Variants in NMS observed in about 807,000 individuals in gnomAD.
The protein encoded by NMS is neuromedin S, also known as neuromedin-S.
A neutral mutation model predicts 32.2 loss-of-function variants in NMS; 30 were observed. The observed-to-expected ratio is 0.93, with a 90% CI of 0.70 to 1.26. NMS has a LOEUF of 1.26. NMS is among the 50% of genes most tolerant of loss of function. The pLI is 0.00. For missense variants in NMS, 190 were observed against 186.3 expected (o/e 1.02, Z -0.12); for synonymous variants, 76 against 58.5 (o/e 1.30, Z -1.37).
intron 5 of NMS, 81 bp downstream of exon 5, chr2:100,477,495 C>A: frequency 1.9e-6 from 2 of 1,071,910 alleles, no homozygotes; most frequent in Non-Finnish European, 2.8e-6. Flanking sequence ...TATGTGCAGA[C>A]AAGTAGAAAA....
intron 1 of NMS, among the ~76,000 whole-genome samples, chr2:100,472,160 T>C (rs1387280066): frequency 6.6e-6 from 1 of 152,254 alleles, no homozygotes; most frequent in Non-Finnish European, 1.5e-5. Flanking sequence ...CCAGGTTTTA[T>C]ATTTATCCAT....
At chr2:100,476,184 T>C (rs968470403) in intron 3 of NMS, among the ~76,000 whole-genome samples, 2 of 152,118 alleles carry the variant, frequency 1.3e-5, no homozygotes, top group Non-Finnish European at 2.9e-5. Flanking sequence ...GCCCAATAAG[T>C]GTCCATAAAC....
chr2:100,482,319 G>C lies in NMS; in HGVS notation c.449+8G>C. On this transcript the variant is annotated splice_region_variant and intron_variant, in intron 9 of 9. Coordinates refer to ENST00000376865, the MANE Select transcript of NMS (RefSeq NM_001011717.1). ...CATTGAAGATGAGGCCCAGTAGGTA[G>C]TCCAAGATCAGCTTCATCACCCTTT... is the stretch of plus-strand genomic sequence containing the variant. The C allele has an allele frequency of 6.2e-7, 1 of 1,613,618 alleles. No individual in the cohort carries two copies. Among genetic ancestry groups the C allele is most frequent in the Admixed American group, 1.7e-5 (1 of 60,014 alleles).
intron 3 of NMS, among the ~76,000 whole-genome samples, chr2:100,474,831 G>A (rs1677076352): frequency 6.6e-6 from 1 of 152,272 alleles, no homozygotes; most frequent in Admixed American, 6.5e-5. Flanking sequence ...ATGTTTGAAG[G>A]CAATTGTTAG....
rs1677251600 is a variant in NMS, at chr2:100,483,172, A to C, written c.450-80A>C. On this transcript the variant is annotated intron_variant, in intron 9 of 9. Coordinates refer to ENST00000376865, the MANE Select transcript of NMS (RefSeq NM_001011717.1). Reference sequence around the variant, plus strand: ...GAGGTCTAATTGTAAAATATGTTACATAATAACCTGCCCATGGGCTTTGTC... The same window carrying C: ...GAGGTCTAATTGTAAAATATGTTACCTAATAACCTGCCCATGGGCTTTGTC... The C allele has an allele frequency of 5.5e-6, 7 of 1,284,188 alleles. No homozygotes were observed. In the South Asian group the frequency reaches 8.9e-5, roughly 16 times the overall value. The allele number at this position is 1,284,188 out of a possible 1,614,324, so 79.5% of individuals were successfully genotyped here. A position where few individuals can be genotyped will look rare whatever the true frequency, so the allele number is the denominator to read the frequency against.
chr2:100,472,948 T>C lies in NMS; in HGVS notation c.132+98T>C, dbSNP rs1677029113. The C allele has an allele frequency of 5.0e-6, 4 of 796,740 alleles. No individual in the cohort carries two copies. In the South Asian group the frequency reaches 5.8e-5, roughly 11 times the overall value. The allele number at this position is 796,740 out of a possible 1,614,324, so 49.4% of individuals were successfully genotyped here. On this transcript the variant is annotated intron_variant, in intron 2 of 9. Coordinates refer to ENST00000376865, the MANE Select transcript of NMS (RefSeq NM_001011717.1). Reference sequence around the variant, plus strand: ...CTTAAAACTATTTTGAGATCAGATTTTTGGCTGCAGCAGAAACTCACTGTT... The same window carrying C: ...CTTAAAACTATTTTGAGATCAGATTCTTGGCTGCAGCAGAAACTCACTGTT...
At chr2:100,471,756 T>G (rs1377809555) in intron 1 of NMS, among the ~76,000 whole-genome samples, 4 of 152,232 alleles carry the variant, frequency 2.6e-5, no homozygotes, top group Non-Finnish European at 4.4e-5. Flanking sequence ...CAAAAACTTC[T>G]TTAGGCTAAG....
At chr2:100,470,612 T>A (rs778624607) in intron 1 of NMS, 48 bp downstream of exon 1, 1 of 1,447,128 alleles carries the variant, frequency 6.9e-7, no homozygotes, top group South Asian at 1.1e-5. Context: ...TCTGAGGATG[T>A]CTGAGACAGA....
Position 100,470,504 on chromosome 2 carries a change from C to A in NMS, c.16C>A (p.Pro6Thr), listed in dbSNP as rs13411940. MKHLR[P>T]QFPLILAIYC... Reference sequence around the variant, plus strand: ...GACTCTCACAATGAAACATCTTCGTCCCCAGTTCCCTCTCATCTTGGCCAT... The same window carrying A: ...GACTCTCACAATGAAACATCTTCGTACCCAGTTCCCTCTCATCTTGGCCAT... Residue 6 changes from proline to threonine, a missense_variant, in exon 1 of 10, where the codon CCC becomes ACC. Physicochemically the swap from Pro to Thr is conservative, Grantham distance 38. Coordinates refer to ENST00000376865, the MANE Select transcript of NMS (RefSeq NM_001011717.1). 1.9e-6 allele frequency: 3 copies of A among 1,613,172 alleles called. No homozygotes were observed. Among genetic ancestry groups the A allele is most frequent in the Non-Finnish European group, 2.5e-6 (3 of 1,179,456 alleles).
chr2:100,482,380 G>A, intron 9 of NMS, 69 bp downstream of exon 9: 9 of 1,424,766 alleles, frequency 6.3e-6, no homozygotes, highest in Non-Finnish European at 7.9e-6. Flanking sequence ...TCTGACTGGA[G>A]AGAGTGAGAG....
chr2:100,471,598 A>G (rs1677007360), intron 1 of NMS, among the ~76,000 whole-genome samples: 1 of 152,052 alleles, frequency 6.6e-6, no homozygotes, highest in African/African-American at 2.4e-5. Context: ...GTATCTTTCT[A>G]TATGTTTATA....
chr2:100,477,623 G>A (rs917508507), intron 5 of NMS, among the ~76,000 whole-genome samples: 4 of 152,098 alleles, frequency 2.6e-5, no homozygotes, highest in African/African-American at 7.2e-5. Context: ...GATCTGAGAA[G>A]TTAGAGAATA....
In NMS at chr2:100,477,258, A is replaced by G; in HGVS notation, c.198A>G (p.Ile66Met). The change falls in exon 4 of 10, where the codon ATA becomes ATG. Residue 66 changes from isoleucine (I) to methionine (M), a missense_variant. Physicochemically the swap from Ile to Met is conservative, Grantham distance 10. Transcript: ENST00000376865. ...TCTCTTTCCAGGATAATCAAGACAT[A>G]TACAAAAGGGTGAGTACCACCTAGC... ...LSRQPKDNQD[I>M]YKRFLFHYSR... 1 of 1,613,686 alleles carries G rather than the reference A, an allele frequency of 6.2e-7. No homozygotes were observed. The highest frequency in any genetic ancestry group is 8.5e-7 in the Non-Finnish European group (1 of 1,179,588).
chr2:100,471,530 T>G (rs1677005823), intron 1 of NMS, among the ~76,000 whole-genome samples: 1 of 152,206 alleles, frequency 6.6e-6, no homozygotes, highest in Non-Finnish European at 1.5e-5. Flanking sequence ...TTCTGCCTCT[T>G]TGCTCCAGTA....
At position 100,472,824 on chromosome 2, in the gene NMS, G is replaced by T; in HGVS notation, c.106G>T (p.Asp36Tyr). Residue 36 changes from aspartate to tyrosine, a missense_variant, in exon 2 of 10, where the codon GAT becomes TAT. By Grantham distance (160) the Asp-to-Tyr change is radical. Coordinates refer to ENST00000376865, the MANE Select transcript of NMS (RefSeq NM_001011717.1). ...GFPQPLADPS[D>Y]GLDIVQLEQL... ...TCCTCAACCTTTAGCTGATCCTTCA[G>T]ATGGCTTGGATATTGTGCAGCTTGA... 1 of 1,611,132 alleles carries T rather than the reference G, an allele frequency of 6.2e-7. No homozygotes were observed. Among genetic ancestry groups the T allele is most frequent in the Non-Finnish European group, 8.5e-7 (1 of 1,177,680 alleles).
chr2:100,481,541 A>G (rs1317696847), intron 8 of NMS, among the ~76,000 whole-genome samples: 2 of 152,152 alleles, frequency 1.3e-5, no homozygotes, highest in Non-Finnish European at 2.9e-5. Context: ...GGTGACAGAG[A>G]TTCTTGCAAA....
In NMS at chr2:100,481,137, G is replaced by A. The variant is rs532961780; in HGVS notation, c.384G>A (p.Ala128=). 2.2e-5 allele frequency: 35 copies of A among 1,614,116 alleles called. No individual in the cohort carries two copies. In the Admixed American group the frequency reaches 2.5e-4, roughly 12 times the overall value. ...TCTATATGTTGCAGGATCACACTGC[G>A]ACCTGGGGACGACCCTTTTTCCTTT... is the stretch of plus-strand genomic sequence containing the variant. ...AVDFTKKDHT[A]TWGRPFFLFR... is the part of the protein sequence containing the mutation. The change falls in exon 8 of 10, where the codon GCG becomes GCA. Residue 128 remains alanine, a synonymous_variant. Transcript: ENST00000376865.
At chr2:100,481,388 T>C (rs887412342) in intron 8 of NMS, among the ~76,000 whole-genome samples, 11 of 151,860 alleles carry the variant, frequency 7.2e-5, no homozygotes, top group Non-Finnish European at 1.3e-4. Context: ...AGCACCAGAG[T>C]AGGCGTAAGG....
chr2:100,472,798 T>C lies in NMS; in HGVS notation c.80T>C (p.Phe27Ser), dbSNP rs1015476459. The C allele has an allele frequency of 3.7e-6, 6 of 1,602,960 alleles. No individual in the cohort carries two copies. In the African/African-American group the frequency reaches 8.0e-5, roughly 21 times the overall value. The change falls in exon 2 of 10, where the codon TTT (phenylalanine) becomes TCT (serine). Residue 27 changes from phenylalanine (F) to serine (S), a missense_variant. Transcript: ENST00000376865. ...ATTTTATGATTTCTCACAATAGGAT[T>C]TCCTCAACCTTTAGCTGATCCTTCA... is the stretch of plus-strand genomic sequence containing the variant. Reference protein sequence around the residue: ...FCMLQIPSSGFPQPLADPSDG... With the variant: ...FCMLQIPSSGSPQPLADPSDG...
Sources: gnomAD v4.1 joint callset for allele counts (sites outside exome capture counted in the v4.1 genomes callset) on GRCh38, gnomAD v4.1.1 for gene constraint, MANE v1.5 for transcripts, NCBI Gene and HGNC (gene_info 2026-07-23, HGNC 2026-07-21) for gene names.